Variants in SSH2 observed in about 807,000 individuals in gnomAD.
SSH2 encodes the protein slingshot protein phosphatase 2.
In SSH2, 37 loss-of-function variants were observed where a neutral mutation model predicts 135.2. The observed-to-expected ratio is 0.27, with a 90% CI of 0.21 to 0.36. The LOEUF (loss-of-function observed/expected upper bound fraction) is 0.36. Ranked by LOEUF, SSH2 falls within the 10% of genes least tolerant of loss-of-function variation. The pLI is 1.00. For missense variants in SSH2, 1,408 were observed against 1,765.3 expected, an observed-to-expected ratio of 0.80 and a Z score of 3.63; for synonymous variants, 628 against 646.2, an observed-to-expected ratio of 0.97 and a Z score of 0.43.
At chr17:29,838,776 C>T (rs895136249) in intron 2 of SSH2, among the ~76,000 whole-genome samples, 28 of 152,230 alleles carry the variant, frequency 1.8e-4, no homozygotes, top group Middle Eastern at 6.8e-3. Context: ...GCTGTTCTAT[C>T]GCTCAATAAA....
intron 5 of SSH2, among the ~76,000 whole-genome samples, chr17:29,686,010 A>G (rs1378600081): frequency 6.6e-6 from 1 of 151,328 alleles, no homozygotes; most frequent in Non-Finnish European, 1.5e-5. Context: ...CACCACATCC[A>G]GCTAGTTTTG....
intron 9 of SSH2, among the ~76,000 whole-genome samples, chr17:29,668,295 T>C (rs1034908316): frequency 6.6e-6 from 1 of 152,254 alleles, no homozygotes; most frequent in South Asian, 2.1e-4. Context: ...CCCTACAGAA[T>C]ACAGCTAATA....
intron 3 of SSH2, among the ~76,000 whole-genome samples, chr17:29,734,393 T>A (rs1280942015): frequency 1.3e-5 from 2 of 152,150 alleles, no homozygotes; most frequent in Non-Finnish European, 2.9e-5. Flanking sequence ...TTCATAACTA[T>A]GCGTGGTAGG....
Position 29,657,951 on chromosome 17 carries a change from C to T in SSH2, c.1033-2344G>A, listed in dbSNP as rs570823587. Among the ~76,000 whole-genome samples the T allele has an allele frequency of 3.3e-5, 5 of 150,742 alleles. No individual in the cohort carries two copies. The South Asian group carries it at 8.4e-4, about 25-fold the overall frequency. On this transcript the variant is annotated intron_variant, in intron 11 of 15. Coordinates refer to ENST00000540801, the MANE Select transcript of SSH2 (RefSeq NM_001282129.2). ...GGGGTCTTTCATAATATTGACATAT[C>T]GACATTTTTGTAGACTCCACATCTG...
intron 6 of SSH2, among the ~76,000 whole-genome samples, chr17:29,683,681 C>A (rs949486619): frequency 5.3e-5 from 8 of 151,500 alleles, no homozygotes; most frequent in Admixed American, 4.6e-4. Flanking sequence ...AATCCCAGCA[C>A]TTTGGGAAGC....
At chr17:29,819,157 T>C (rs144124338) in intron 2 of SSH2, among the ~76,000 whole-genome samples, 1 of 149,540 alleles carries the variant, frequency 6.7e-6, no homozygotes, top group African/African-American at 2.5e-5. Context: ...ACCGGGGAGG[T>C]GGAGGTTGTG....
chr17:29,917,705 A>T (rs1173854151), intron 1 of SSH2, among the ~76,000 whole-genome samples: 1 of 152,140 alleles, frequency 6.6e-6, no homozygotes, highest in African/African-American at 2.4e-5. Context: ...AATACAAAAA[A>T]TTAGCAAGGC....
At chr17:29,722,938 G>T (rs2039870732) in intron 3 of SSH2, among the ~76,000 whole-genome samples, 1 of 152,182 alleles carries the variant, frequency 6.6e-6, no homozygotes, top group Admixed American at 6.5e-5. Flanking sequence ...CAGGGCTGAA[G>T]AACAAATAAT....
At chr17:29,721,374 G>A (rs532949951) in intron 3 of SSH2, among the ~76,000 whole-genome samples, 6 of 152,188 alleles carry the variant, frequency 3.9e-5, no homozygotes, top group East Asian at 1.9e-4. Context: ...GGTTTTGGTC[G>A]AGCTAGGTCC....
intron 3 of SSH2, among the ~76,000 whole-genome samples, chr17:29,783,837 C>A (rs1470609406): frequency 2.0e-5 from 3 of 148,728 alleles, no homozygotes; most frequent in Admixed American, 2.0e-4. Flanking sequence ...GAGGCCGAGG[C>A]GGGCGGATCA....
intron 1 of SSH2, among the ~76,000 whole-genome samples, chr17:29,927,995 T>A (rs899580068): frequency 6.6e-6 from 1 of 152,210 alleles, no homozygotes; most frequent in Admixed American, 6.5e-5. Flanking sequence ...GTGTACACGG[T>A]CTTACTGTAT....
Position 29,813,669 on chromosome 17 carries a change from T to G in SSH2, c.145-19732A>C, listed in dbSNP as rs556287770. ...CCCGTCTCTACTAAAAATACAAAAA[T>G]TAGCCGGGCGTGGTGGCAGGTGCCT... On this transcript the variant is annotated intron_variant, in intron 2 of 15. Coordinates refer to ENST00000540801, the MANE Select transcript of SSH2 (RefSeq NM_001282129.2). 1.5e-3 allele frequency among the ~76,000 whole-genome samples: 220 copies of G among 147,898 alleles called. 1 individual carries two copies. Among genetic ancestry groups the G allele is most frequent in the Admixed American group, 0.012 (175 of 14,828 alleles).
intron 3 of SSH2, among the ~76,000 whole-genome samples, chr17:29,784,020 C>T (rs1177954009): frequency 2.6e-5 from 3 of 116,832 alleles, no homozygotes; most frequent in African/African-American, 9.8e-5. Flanking sequence ...GAGCCGAGAT[C>T]CCGCCACTGC....
chr17:29,631,314 C>T lies in SSH2; in HGVS notation c.3880G>A (p.Asp1294Asn), dbSNP rs1437269856. 1 of 1,614,056 alleles carries T rather than the reference C, an allele frequency of 6.2e-7. No homozygotes were observed. Among genetic ancestry groups the T allele is most frequent in the Non-Finnish European group, 8.5e-7 (1 of 1,180,020 alleles). The change falls in exon 16 of 16, where the codon GAC becomes AAC. Residue 1294 changes from aspartate to asparagine, a missense_variant. Physicochemically the swap from Asp to Asn is conservative, Grantham distance 23. This residue lies in a region of SSH2 where 1,080 missense variants were observed against 1,144.5 expected (regional missense o/e 0.94). Transcript: ENST00000540801. Reference protein sequence around the residue: ...SASLAKLGYLDLCKDCLPERE... With the variant: ...SASLAKLGYLNLCKDCLPERE... ...TCTGGTAAGCAGTCTTTACAGAGGT[C>T]CAAGTAACCTAATTTGGCGAGAGAA... is the stretch of plus-strand genomic sequence containing the variant.
intron 3 of SSH2, among the ~76,000 whole-genome samples, chr17:29,782,331 A>G: frequency 6.6e-6 from 1 of 152,184 alleles, no homozygotes; most frequent in Admixed American, 6.5e-5. Flanking sequence ...CTGAGTGCCA[A>G]CTACATGCTA....
intron 3 of SSH2, among the ~76,000 whole-genome samples, chr17:29,741,730 C>T (rs182542012): frequency 2.2e-4 from 34 of 151,396 alleles, no homozygotes; most frequent in Admixed American, 1.9e-3. Flanking sequence ...ATTCTCCTGC[C>T]TCAGCCTGTG....
chr17:29,906,968 CTT>C (rs1316099020), intron 1 of SSH2, among the ~76,000 whole-genome samples: 1 of 152,062 alleles, frequency 6.6e-6, no homozygotes, highest in Non-Finnish European at 1.5e-5. Context: ...TCCTCAAAGA[CTT>C]AGAGGCAGAA....
intron 2 of SSH2, among the ~76,000 whole-genome samples, chr17:29,815,454 T>G (rs2042541416): frequency 6.6e-6 from 1 of 152,028 alleles, no homozygotes; most frequent in South Asian, 2.1e-4. Context: ...AGAGACGGGG[T>G]TTTGCCATGT....
chr17:29,684,724 G>A, intron 5 of SSH2, 40 bp from the exon 6 acceptor site: 19 of 1,589,308 alleles, frequency 1.2e-5, no homozygotes, highest in Non-Finnish European at 1.5e-5. Flanking sequence ...TGAAATTTAG[G>A]ACATTAATTT....
Sources: gnomAD v4.1 joint callset for allele counts (sites outside exome capture counted in the v4.1 genomes callset) on GRCh38, gnomAD v4.1.1 for gene constraint, gnomAD v4.1.1 regional missense constraint, MANE v1.5 for transcripts, NCBI Gene and HGNC (gene_info 2026-07-23, HGNC 2026-07-21) for gene names.